The following PLCE1 variants were observed in gnomAD, a reference collection of about 807,000 sequenced individuals.
PLCE1 encodes the protein phospholipase C epsilon 1, also known as 1-phosphatidylinositol 4,5-bisphosphate phosphodiesterase epsilon-1.
A neutral mutation model predicts 242.8 loss-of-function variants in PLCE1; 119 were observed. The ratio of observed to expected loss-of-function variants is 0.49; its 90% CI spans 0.42 to 0.57. The LOEUF (loss-of-function observed/expected upper bound fraction) is 0.57, where lower values mean the gene tolerates loss of function less well. Ranked by LOEUF, PLCE1 falls within the 20% of genes least tolerant of loss-of-function variation. PLCE1 has a pLI of 0.00. For missense variants in PLCE1, 2,441 were observed against 2,788.8 expected (o/e 0.88, Z 2.81); for synonymous variants, 945 against 1,017.4 (o/e 0.93, Z 1.35).
intron 19 of PLCE1, among the ~76,000 whole-genome samples, chr10:94,275,850 T>C (rs1395205902): frequency 6.6e-6 from 1 of 151,936 alleles, no homozygotes; most frequent in Non-Finnish European, 1.5e-5. Flanking sequence ...AAAAAAAAAT[T>C]CTTTAGCACA....
chr10:94,218,604 G>C (rs2049608913), intron 4 of PLCE1, among the ~76,000 whole-genome samples: 1 of 152,110 alleles, frequency 6.6e-6, no homozygotes, highest in African/African-American at 2.4e-5. Flanking sequence ...CTAGTGAACA[G>C]AAAATGGATA....
At chr10:94,060,132 T>A (rs746617385) in intron 2 of PLCE1, among the ~76,000 whole-genome samples, 1 of 152,150 alleles carries the variant, frequency 6.6e-6, no homozygotes, top group Non-Finnish European at 1.5e-5. Context: ...AGAGGCAGTG[T>A]GGCTTTTAAT....
At chr10:94,260,058 A>G (rs1486531781) in intron 13 of PLCE1, among the ~76,000 whole-genome samples, 1 of 152,142 alleles carries the variant, frequency 6.6e-6, no homozygotes, top group Non-Finnish European at 1.5e-5. Flanking sequence ...GGGAGCTACA[A>G]TTCAAGATGA....
Position 94,290,769 on chromosome 10 carries a change from A to T in PLCE1, c.5036-2739A>T, listed in dbSNP as rs11187841. On this transcript the variant is annotated intron_variant, in intron 22 of 32. Coordinates refer to ENST00000371380, the MANE Select transcript of PLCE1 (RefSeq NM_016341.4). Reference sequence around the variant, plus strand: ...AATGAGTATACTCTAAAATAATGATAAAAAGTATAGTAAATATATAAACCA... The same window carrying T: ...AATGAGTATACTCTAAAATAATGATTAAAAGTATAGTAAATATATAAACCA... 4.6e-5 allele frequency among the ~76,000 whole-genome samples: 7 copies of T among 152,318 alleles called. No individual in the cohort carries two copies. In the East Asian group the frequency reaches 1.3e-3, roughly 29 times the overall value.
intron 3 of PLCE1, chr10:94,138,405 C>A: frequency 2.5e-6 from 1 of 403,062 alleles, no homozygotes; most frequent in South Asian, 2.1e-5. Context: ...GATATTGGGG[C>A]TGGAAAAGGC....
chr10:94,182,026 T>C (rs1201947830), intron 4 of PLCE1, among the ~76,000 whole-genome samples: 1 of 151,948 alleles, frequency 6.6e-6, no homozygotes, highest in African/African-American at 2.4e-5. Flanking sequence ...GTCACAGCAG[T>C]ACTCAAAGAG....
At chr10:94,210,795 C>T (rs2049307493) in intron 4 of PLCE1, among the ~76,000 whole-genome samples, 1 of 152,156 alleles carries the variant, frequency 6.6e-6, no homozygotes, top group Non-Finnish European at 1.5e-5. Flanking sequence ...AAGTTTTCTT[C>T]CTTTGGCTTC....
chr10:94,292,877 A>C (rs1237263618), intron 22 of PLCE1, among the ~76,000 whole-genome samples: 1 of 152,192 alleles, frequency 6.6e-6, no homozygotes, highest in African/African-American at 2.4e-5. Context: ...TTCCTCTTTC[A>C]GCAAATATGT....
chr10:94,032,137 T>C lies in PLCE1; in HGVS notation c.1091T>C (p.Ile364Thr). The change falls in exon 2 of 33, where the codon ATA (isoleucine) becomes ACA (threonine). Residue 364 changes from isoleucine to threonine, a missense_variant. This residue lies in a region of PLCE1 where 733 missense variants were observed against 754.2 expected (regional missense o/e 0.97). Transcript: ENST00000371380. ...GHIGLTAWSY[I>T]DQKRNGPLLP... is the part of the protein sequence containing the mutation. ...ATTGGGCTGACTGCATGGAGTTACA[T>C]AGATCAGAAGAGAAATGGTCCCTTA... 1 of 1,610,262 alleles carries C rather than the reference T, an allele frequency of 6.2e-7. No homozygotes were observed. Among genetic ancestry groups the C allele is most frequent in the Non-Finnish European group, 8.5e-7 (1 of 1,178,926 alleles).
chr10:94,314,015 T>C (rs924454651), intron 28 of PLCE1, among the ~76,000 whole-genome samples: 4 of 152,134 alleles, frequency 2.6e-5, no homozygotes, highest in African/African-American at 9.7e-5. Context: ...CCAAGCCCTG[T>C]AGCAGAACTG....
rs776697711 is a variant in PLCE1, at chr10:94,262,549, G to T, written c.3870G>T (p.Gln1290His). Residue 1290 changes from glutamine to histidine, a missense_variant, in exon 14 of 33, where the codon CAG becomes CAT. Physicochemically the swap from Gln to His is conservative, Grantham distance 24. Coordinates refer to ENST00000371380, the MANE Select transcript of PLCE1 (RefSeq NM_016341.4). ...DLGLFIKSKQ[Q>H]LSDNQRQISD... ...GGTTGTTCATTAAGAGTAAACAGCA[G>T]CTATCGGACAACCAGAGGCAGATAT... 6 of 1,613,954 alleles carry T rather than the reference G, an allele frequency of 3.7e-6. No homozygotes were observed. The highest frequency in any genetic ancestry group is 5.1e-6 in the Non-Finnish European group (6 of 1,179,958).
chr10:94,201,306 C>T (rs1013582971), intron 4 of PLCE1, among the ~76,000 whole-genome samples: 2 of 152,142 alleles, frequency 1.3e-5, no homozygotes, highest in South Asian at 4.1e-4. Context: ...CAGTCCCTAC[C>T]CTACCACTCA....
At chr10:94,061,746 G>A (rs1479054303) in intron 2 of PLCE1, among the ~76,000 whole-genome samples, 2 of 151,582 alleles carry the variant, frequency 1.3e-5, no homozygotes, top group African/African-American at 2.4e-5. Flanking sequence ...TCTACCTTTT[G>A]TTCAGGCAAA....
chr10:94,222,954 C>A (rs7079956), intron 4 of PLCE1, among the ~76,000 whole-genome samples: 56,414 of 151,828 alleles, frequency 0.37, 10,749 homozygotes, highest in East Asian at 0.62. Flanking sequence ...TGGACAGGCA[C>A]GTCCCCTCCA....
intron 3 of PLCE1, among the ~76,000 whole-genome samples, chr10:94,152,813 A>C (rs1037269557): frequency 6.6e-6 from 1 of 152,152 alleles, no homozygotes; most frequent in Non-Finnish European, 1.5e-5. Context: ...TTCCAAGTCC[A>C]TATGTGTTTT....
At chr10:94,123,969 G>A (rs779955571) in intron 2 of PLCE1, among the ~76,000 whole-genome samples, 37 of 152,156 alleles carry the variant, frequency 2.4e-4, no homozygotes, top group Admixed American at 7.2e-4. Flanking sequence ...AATGCGAAAT[G>A]GCAGCTGATA....
intron 2 of PLCE1, among the ~76,000 whole-genome samples, chr10:94,038,782 A>G (rs1418407002): frequency 6.6e-6 from 1 of 152,168 alleles, no homozygotes; most frequent in East Asian, 1.9e-4. Context: ...GTGGTTTTAA[A>G]TATGTTCACA....
In PLCE1 at chr10:94,068,616, CTG is replaced by C. The variant is rs1394783975; in HGVS notation, c.1206+36366_1206+36367del. Among the ~76,000 whole-genome samples the C allele has an allele frequency of 2.0e-5, 3 of 152,134 alleles. No homozygotes were observed. The East Asian group carries it at 5.8e-4, about 29-fold the overall frequency. ...ATGTCCCATGGATACCGAGGAATGA[CTG>C]TATTAACATGTATGGAATGCTTACT... On this transcript the variant is annotated intron_variant, in intron 2 of 32. Transcript: ENST00000371380.
At chr10:94,095,555 TTA>T (rs1324666798) in intron 2 of PLCE1, among the ~76,000 whole-genome samples, 1 of 152,146 alleles carries the variant, frequency 6.6e-6, no homozygotes, top group Non-Finnish European at 1.5e-5. Flanking sequence ...TGAGGTTTCA[TTA>T]TGTTTCCCAG....
Sources: gnomAD v4.1 joint callset for allele counts (sites outside exome capture counted in the v4.1 genomes callset) on GRCh38, gnomAD v4.1.1 for gene constraint, gnomAD v4.1.1 regional missense constraint, MANE v1.5 for transcripts, NCBI Gene and HGNC (gene_info 2026-07-23, HGNC 2026-07-21) for gene names.